KANSL1: variants seen among roughly 807,000 people sequenced by gnomAD.
KANSL1 encodes MLL1/MLL complex subunit KANSL1.
KANSL1 carries 22 observed loss-of-function variants against 103.6 expected under a neutral mutation model. That is an observed-to-expected ratio of 0.21 (90% confidence interval 0.15 to 0.30). The LOEUF (loss-of-function observed/expected upper bound fraction) is 0.30. KANSL1 is among the 10% of genes least tolerant of loss of function. KANSL1 has a pLI of 1.00. For synonymous variants in KANSL1, 600 were observed against 527.6 expected (o/e 1.14, Z -1.88); for missense variants, 1,337 against 1,399.8 (o/e 0.96, Z 0.72).
intron 1 of KANSL1, among the ~76,000 whole-genome samples, chr17:46,207,226 A>G (rs1469642578): frequency 3.9e-5 from 6 of 152,202 alleles, no homozygotes; most frequent in Non-Finnish European, 8.8e-5. Context: ...AGAAACTATG[A>G]TTGGGCCGGG....
chr17:46,093,285 T>A (rs879032558), intron 3 of KANSL1: 1 of 152,620 alleles, frequency 6.6e-6, no homozygotes, highest in African/African-American at 2.4e-5. Flanking sequence ...AAATTTCCTT[T>A]GTGAAGACTT....
intron 13 of KANSL1, chr17:46,032,545 A>T (rs895929511): frequency 2.3e-6 from 1 of 427,464 alleles, no homozygotes; most frequent in Non-Finnish European, 4.1e-6. Flanking sequence ...TGCCTAGTGA[A>T]TTCAGGAGGT....
At chr17:46,104,382 A>G (rs749087575) in intron 2 of KANSL1, among the ~76,000 whole-genome samples, 2 of 152,210 alleles carry the variant, frequency 1.3e-5, no homozygotes, top group Admixed American at 6.5e-5. Flanking sequence ...TTCCTTGTGC[A>G]TCGTACCTCA....
chr17:46,078,011 C>G (rs2078848911), intron 4 of KANSL1, among the ~76,000 whole-genome samples: 3 of 151,796 alleles, frequency 2.0e-5, no homozygotes, highest in Non-Finnish European at 4.4e-5. Flanking sequence ...CTATTATATA[C>G]AGACAATGTA....
chr17:46,034,130 G>C (rs1226026380), intron 11 of KANSL1, 31 bp downstream of exon 11: 1 of 1,611,164 alleles, frequency 6.2e-7, no homozygotes, highest in South Asian at 1.1e-5. Context: ...AGGAAGAATG[G>C]GGAGAGGAGC....
At chr17:46,158,545 T>G (rs1342354664) in intron 2 of KANSL1, among the ~76,000 whole-genome samples, 1 of 152,052 alleles carries the variant, frequency 6.6e-6, no homozygotes, top group African/African-American at 2.4e-5. Flanking sequence ...GTATTTTTTG[T>G]TTTGTTTGTT....
chr17:46,118,014 T>C (rs2043117426), intron 2 of KANSL1, among the ~76,000 whole-genome samples: 1 of 152,220 alleles, frequency 6.6e-6, no homozygotes, highest in African/African-American at 2.4e-5. Context: ...AACATAACAT[T>C]TCTCAAAAGC....
chr17:46,206,169 A>G (rs565407219), intron 1 of KANSL1, among the ~76,000 whole-genome samples: 7 of 152,258 alleles, frequency 4.6e-5, no homozygotes, highest in Admixed American at 4.6e-4. Context: ...TAAAATGGCA[A>G]TATTCCCTAA....
intron 2 of KANSL1, among the ~76,000 whole-genome samples, chr17:46,168,659 A>C (rs1005529591): frequency 6.6e-6 from 1 of 152,226 alleles, no homozygotes; most frequent in Non-Finnish European, 1.5e-5. Flanking sequence ...CCCTAAATAC[A>C]ATTACAATGT....
At chr17:46,173,042 C>T (rs1354173657) in intron 1 of KANSL1, among the ~76,000 whole-genome samples, 2 of 152,236 alleles carry the variant, frequency 1.3e-5, no homozygotes, top group Admixed American at 1.3e-4. Context: ...GCAAAGGTGA[C>T]CAGTAATCTT....
chr17:46,052,886 G>A (rs577205530), intron 6 of KANSL1, among the ~76,000 whole-genome samples: 1 of 138,594 alleles, frequency 7.2e-6, no homozygotes, highest in Admixed American at 7.5e-5. Context: ...AATCGCTTAA[G>A]CCCAGGAGTT....
chr17:46,192,268 C>T (rs1380975648), intron 1 of KANSL1, among the ~76,000 whole-genome samples: 1 of 151,684 alleles, frequency 6.6e-6, no homozygotes, highest in Non-Finnish European at 1.5e-5. Context: ...GTTAAGATTC[C>T]AACTCACTTA....
intron 2 of KANSL1, among the ~76,000 whole-genome samples, chr17:46,107,590 C>G (rs145624550): frequency 2.6e-5 from 4 of 152,286 alleles, no homozygotes; most frequent in Non-Finnish European, 5.9e-5. Flanking sequence ...CCTATACTTC[C>G]TTTCTAGGTG....
At chr17:46,191,635 T>G (rs2047329101) in intron 1 of KANSL1, among the ~76,000 whole-genome samples, 1 of 152,270 alleles carries the variant, frequency 6.6e-6, no homozygotes, top group South Asian at 2.1e-4. Context: ...ATTTTATCGT[T>G]TATTTTAAAA....
chr17:46,050,731 C>T (rs2077683272), intron 6 of KANSL1, 27 bp from the exon 7 acceptor site: 1 of 1,596,124 alleles, frequency 6.3e-7, no homozygotes, highest in Non-Finnish European at 8.6e-7. Context: ...ACAAAACTGA[C>T]AATTCAGCAT....
At chr17:46,152,585 G>A (rs1034337247) in intron 2 of KANSL1, among the ~76,000 whole-genome samples, 3 of 143,098 alleles carry the variant, frequency 2.1e-5, no homozygotes, top group Admixed American at 1.4e-4. Flanking sequence ...GACACAAAGG[G>A]GGGGGGGGGA....
intron 3 of KANSL1, among the ~76,000 whole-genome samples, chr17:46,089,165 TG>T (rs1429565452): frequency 6.6e-6 from 1 of 152,204 alleles, no homozygotes; most frequent in Non-Finnish European, 1.5e-5. Flanking sequence ...TTCTAAAGCA[TG>T]GAAGAGTTTC....
chr17:46,094,781 A>C, intron 2 of KANSL1, 80 bp from the exon 3 acceptor site: 1 of 1,538,748 alleles, frequency 6.5e-7, no homozygotes, highest in Non-Finnish European at 8.9e-7. Context: ...GTGGAATTTA[A>C]CTTTTAAAGG....
At chr17:46,206,131 G>A (rs2047963970) in intron 1 of KANSL1, among the ~76,000 whole-genome samples, 2 of 148,602 alleles carry the variant, frequency 1.3e-5, no homozygotes, top group Non-Finnish European at 3.0e-5. Flanking sequence ...GTTCATGGAT[G>A]AGAATGGATC....
Sources: gnomAD v4.1 joint callset for allele counts (sites outside exome capture counted in the v4.1 genomes callset) on GRCh38, gnomAD v4.1.1 for gene constraint, MANE v1.5 for transcripts, NCBI Gene and HGNC (gene_info 2026-07-23, HGNC 2026-07-21) for gene names.